The following HMBOX1 variants were observed in gnomAD, a reference collection of about 807,000 sequenced individuals.
HMBOX1 encodes homeobox containing 1, also known as homeobox-containing protein 1.
HMBOX1 carries 14 observed loss-of-function variants against 54.5 expected under a neutral mutation model. The observed-to-expected ratio is 0.26, with a 90% CI of 0.17 to 0.40. The LOEUF (loss-of-function observed/expected upper bound fraction) is 0.40, where lower values mean the gene tolerates loss of function less well. HMBOX1 is among the 10% of genes least tolerant of loss of function. The pLI is 1.00. For synonymous variants in HMBOX1, 160 were observed against 181.0 expected (o/e 0.88, Z 0.93); for missense variants, 332 against 514.4 (o/e 0.65, Z 3.43).
intron 1 of HMBOX1, among the ~76,000 whole-genome samples, chr8:28,958,052 C>T (rs1824791494): frequency 6.6e-6 from 1 of 152,124 alleles, no homozygotes; most frequent in Non-Finnish European, 1.5e-5. Context: ...CTAGATGTTT[C>T]CTGCTCAATT....
rs970727727 is a variant in HMBOX1 at position 28,982,055 on chromosome 8, G to A, written c.586+1899G>A. Among the ~76,000 whole-genome samples the A allele has an allele frequency of 2.0e-5, 3 of 152,160 alleles. No homozygotes were observed. The East Asian group carries it at 5.8e-4, about 30-fold the overall frequency. Reference sequence around the variant, plus strand: ...GATCAAGACCATCCTGGCTAACACGGTGAAACTCTGTCTCTACTAAAAACA... The same window carrying A: ...GATCAAGACCATCCTGGCTAACACGATGAAACTCTGTCTCTACTAAAAACA... On this transcript the variant is annotated intron_variant, in intron 4 of 9. Coordinates refer to ENST00000287701, the MANE Select transcript of HMBOX1 (RefSeq NM_001135726.3).
At chr8:28,958,078 TA>T (rs141954997) in intron 1 of HMBOX1, among the ~76,000 whole-genome samples, 575 of 152,346 alleles carry the variant, frequency 3.8e-3, no homozygotes, top group African/African-American at 0.013. Flanking sequence ...AACTTAATTT[TA>T]AAAGTATTGT....
At chr8:29,047,237 A>G (rs1358818108) in intron 7 of HMBOX1, 121 bp from the exon 8 acceptor site, 4 of 663,052 alleles carry the variant, frequency 6.0e-6, no homozygotes, top group Admixed American at 2.5e-5. Flanking sequence ...ATCCCTCTGC[A>G]TCTGTAGTTT....
chr8:29,025,657 T>G (rs1801904254), intron 6 of HMBOX1, among the ~76,000 whole-genome samples: 2 of 152,182 alleles, frequency 1.3e-5, no homozygotes, highest in African/African-American at 4.8e-5. Flanking sequence ...GCACTAGAAA[T>G]GGAGATTTGG....
chr8:28,961,577 A>G (rs1386475485), intron 1 of HMBOX1, among the ~76,000 whole-genome samples: 2 of 152,168 alleles, frequency 1.3e-5, no homozygotes, highest in Non-Finnish European at 2.9e-5. Context: ...TTGTATATAT[A>G]TCACATTTCA....
chr8:28,970,599 C>A lies in HMBOX1; in HGVS notation c.500+80C>A. ...TTTTAAGTAGTATGCTGCGTTTCAG[C>A]TACTTAGCTATAAGAACTGTAACTT... On this transcript the variant is annotated intron_variant, in intron 3 of 9. Transcript: ENST00000287701. This position sits in a 1 kb window ranked among gnomAD's most constrained non-coding sequence, Gnocchi z 4.3. The A allele has an allele frequency of 1.2e-6, 1 of 850,566 alleles. No individual in the cohort carries two copies. The highest frequency in any genetic ancestry group is 1.8e-6 in the Non-Finnish European group (1 of 544,366). The allele number at this position is 850,566 out of a possible 1,614,324, so 52.7% of individuals were successfully genotyped here. A position where few individuals can be genotyped will look rare whatever the true frequency, so the allele number is the denominator to read the frequency against.
chr8:28,900,508 A>G (rs1285013584), intron 1 of HMBOX1, among the ~76,000 whole-genome samples: 1 of 151,678 alleles, frequency 6.6e-6, no homozygotes, highest in East Asian at 1.9e-4. Flanking sequence ...CTTTCCTGAT[A>G]TTTGCCTGCC....
At chr8:28,952,408 A>G (rs915958806) in intron 1 of HMBOX1, among the ~76,000 whole-genome samples, 2 of 151,888 alleles carry the variant, frequency 1.3e-5, no homozygotes, top group African/African-American at 2.4e-5. Flanking sequence ...TAATTTTTGT[A>G]TTTTTGTTAA....
chr8:28,957,390 A>C (rs1313894738), intron 1 of HMBOX1, among the ~76,000 whole-genome samples: 1 of 152,200 alleles, frequency 6.6e-6, no homozygotes, highest in Non-Finnish European at 1.5e-5. Flanking sequence ...AGAGCAGTAG[A>C]CACTGGAGAC....
intron 1 of HMBOX1, among the ~76,000 whole-genome samples, chr8:28,908,814 C>G (rs1041812588): frequency 2.0e-5 from 3 of 152,032 alleles, no homozygotes; most frequent in Non-Finnish European, 4.4e-5. Context: ...AGTGTTGTGT[C>G]CGGGTGAGGT....
rs919420669 is a variant in HMBOX1, at chr8:29,051,799, A to G, written c.*644A>G. ...TTTGAAGTTAACATGCCTGACACAG[A>G]CATCCTTTCCTCTCACAAGCTGTGT... On this transcript the variant is annotated 3_prime_UTR_variant, in exon 10 of 10. Transcript: ENST00000287701. 1.6e-4 allele frequency: 84 copies of G among 529,660 alleles called. No homozygotes were observed. Among genetic ancestry groups the G allele is most frequent in the Non-Finnish European group, 3.1e-5 (9 of 288,838 alleles). 32.8% of individuals were successfully genotyped at this position (529,660 alleles called of 1,614,324 possible).
At chr8:28,936,607 A>T (rs1007627186) in intron 1 of HMBOX1, among the ~76,000 whole-genome samples, 1 of 152,214 alleles carries the variant, frequency 6.6e-6, no homozygotes, top group East Asian at 1.9e-4. Context: ...TTGAGCTAAC[A>T]TGAGAATGAT....
chr8:29,015,824 C>G (rs1834914171), intron 5 of HMBOX1, among the ~76,000 whole-genome samples: 1 of 152,206 alleles, frequency 6.6e-6, no homozygotes, highest in Non-Finnish European at 1.5e-5. Context: ...ATCATAGCTA[C>G]TCAGCTCTTC....
chr8:29,032,254 A>G (rs1803100379), intron 6 of HMBOX1, among the ~76,000 whole-genome samples: 1 of 148,070 alleles, frequency 6.8e-6, no homozygotes, highest in Non-Finnish European at 1.5e-5. Flanking sequence ...TTTCATGCCA[A>G]TGATTCAAAC....
At chr8:28,953,806 G>A (rs1038608806) in intron 1 of HMBOX1, among the ~76,000 whole-genome samples, 14 of 152,026 alleles carry the variant, frequency 9.2e-5, no homozygotes, top group South Asian at 2.1e-4. Flanking sequence ...GTATATAAGC[G>A]TTCATTAACT....
intron 4 of HMBOX1, among the ~76,000 whole-genome samples, chr8:28,998,843 C>T (rs1302380759): frequency 6.6e-6 from 1 of 152,080 alleles, no homozygotes; most frequent in Non-Finnish European, 1.5e-5. Context: ...TTACCATTAA[C>T]ATCTTAATTT....
At chr8:29,013,439 T>A (rs1051561431) in intron 5 of HMBOX1, among the ~76,000 whole-genome samples, 4 of 152,198 alleles carry the variant, frequency 2.6e-5, no homozygotes, top group Non-Finnish European at 5.9e-5. Context: ...CAGCGGAAGT[T>A]CTTTTTTTCA....
intron 7 of HMBOX1, 49 bp from the exon 8 acceptor site, chr8:29,047,309 C>G (rs1477105140): frequency 1.8e-6 from 2 of 1,107,726 alleles, no homozygotes; most frequent in Non-Finnish European, 1.4e-6. Context: ...CTAGTTTATT[C>G]TTGGATCCCA....
intron 4 of HMBOX1, among the ~76,000 whole-genome samples, chr8:28,988,186 CT>C (rs1358164299): frequency 6.6e-6 from 1 of 152,184 alleles, no homozygotes; most frequent in Non-Finnish European, 1.5e-5. Context: ...CAAAACATAC[CT>C]TTTATGTCTC....
Sources: allele counts gnomAD v4.1 joint callset (sites outside exome capture counted in the v4.1 genomes callset), GRCh38; gene constraint gnomAD v4.1.1; non-coding constraint Gnocchi (gnomAD v3.1); transcripts MANE v1.5; gene names NCBI Gene and HGNC (gene_info 2026-07-23, HGNC 2026-07-21).